The following ANAPC4 variants were observed in gnomAD, a reference collection of about 807,000 sequenced individuals.
ANAPC4 encodes the protein anaphase promoting complex subunit 4, also known as anaphase-promoting complex subunit 4.
ANAPC4 carries 63 observed loss-of-function variants against 119.8 expected under a neutral mutation model. That is an observed-to-expected ratio of 0.53 (90% confidence interval 0.43 to 0.65). The LOEUF (loss-of-function observed/expected upper bound fraction) is 0.65. Ranked by LOEUF, ANAPC4 falls within the 30% of genes least tolerant of loss-of-function variation. The pLI is 0.00. For synonymous variants in ANAPC4, 283 were observed against 318.6 expected, an observed-to-expected ratio of 0.89 and a Z score of 1.19; for missense variants, 716 against 945.1, an observed-to-expected ratio of 0.76 and a Z score of 3.18.
chr4:25,384,745 G>C (rs1721936802), intron 4 of ANAPC4, among the ~76,000 whole-genome samples: 1 of 151,636 alleles, frequency 6.6e-6, no homozygotes, highest in African/African-American at 2.4e-5. Flanking sequence ...TGAGGCCGCA[G>C]TGAGCCGTAA....
At chr4:25,398,308 T>A (rs1041945666) in intron 16 of ANAPC4, among the ~76,000 whole-genome samples, 1 of 152,156 alleles carries the variant, frequency 6.6e-6, no homozygotes, top group East Asian at 1.9e-4. Context: ...AACAAGGACC[T>A]AGGGCATGAT....
chr4:25,415,598 T>C, intron 26 of ANAPC4, 58 bp downstream of exon 26: 1 of 1,460,536 alleles, frequency 6.8e-7, no homozygotes, highest in South Asian at 1.2e-5. Flanking sequence ...TGTATATGTT[T>C]AGGAATAGGA....
rs759738029 is a variant in ANAPC4 at position 25,414,379 on chromosome 4, C to G, written c.1679C>G (p.Thr560Ser). 1.2e-6 allele frequency: 2 copies of G among 1,604,424 alleles called. No homozygotes were observed. Among genetic ancestry groups the G allele is most frequent in the South Asian group, 1.1e-5 (1 of 89,646 alleles). ...QAICIPLYRD[T>S]RSEDSTRRLF... ...ATCTGTATTCCATTGTATAGAGATA[C>G]CAGAAGGTAATTCTGTTTACCTATT... The change falls in exon 23 of 29, where the codon ACC becomes AGC. Residue 560 changes from threonine (T) to serine (S), a missense_variant. By Grantham distance (58) the Thr-to-Ser change is moderately conservative. Coordinates refer to ENST00000315368, the MANE Select transcript of ANAPC4 (RefSeq NM_013367.3).
At chr4:25,414,794 T>C in intron 25 of ANAPC4, 94 bp downstream of exon 25, 1 of 1,186,614 alleles carries the variant, frequency 8.4e-7, no homozygotes, top group East Asian at 2.8e-5. Context: ...GATTTTAAAC[T>C]ACTTTGTGAC....
In ANAPC4 at chr4:25,396,682, A is replaced by G. The variant is rs143385154; in HGVS notation, c.1080A>G (p.Leu360=). The change falls in exon 15 of 29, where the codon TTA becomes TTG. Residue 360 remains leucine (L), a synonymous_variant. Transcript: ENST00000315368. The stretch of plus-strand genomic sequence containing the variant: ...TGGATAGTGGCTCGGAGTCTTTATT[A>G]TACCATTTGAGTGAATTGAAAGGAA... The part of the protein sequence containing the change: ...SHLQSGSESL[L]YHLSELKGMA... The G allele has an allele frequency of 1.6e-4, 257 of 1,611,918 alleles. No individual in the cohort carries two copies. Among genetic ancestry groups the G allele is most frequent in the Non-Finnish European group, 2.0e-4 (238 of 1,179,212 alleles).
In ANAPC4 at chr4:25,402,696, T is replaced by C. The variant is rs147601687; in HGVS notation, c.1215-275T>C. 3.9e-5 allele frequency among the ~76,000 whole-genome samples: 6 copies of C among 152,352 alleles called. No homozygotes were observed. The East Asian group carries it at 9.6e-4, about 24-fold the overall frequency. Reference sequence around the variant, plus strand: ...AAGGAGTTCATGCTTTACTGAGTCATAAGAAAGACTATTACACAGTTTGTG... The same window carrying C: ...AAGGAGTTCATGCTTTACTGAGTCACAAGAAAGACTATTACACAGTTTGTG... On this transcript the variant is annotated intron_variant, in intron 16 of 28. Transcript: ENST00000315368.
In ANAPC4 at chr4:25,415,224, A is replaced by C. The variant is rs912357614; in HGVS notation, c.1827-242A>C. Reference sequence around the variant, plus strand: ...AATGGTTTTAAACCTGAATTTGAAGAAAATGTTGAGACCACGATGTAACCA... The same window carrying C: ...AATGGTTTTAAACCTGAATTTGAAGCAAATGTTGAGACCACGATGTAACCA... On this transcript the variant is annotated intron_variant, in intron 25 of 28. Transcript: ENST00000315368. The C allele has an allele frequency of 1.6e-5, 6 of 373,348 alleles. No homozygotes were observed. The East Asian group carries it at 2.5e-4, about 15-fold the overall frequency. The allele number at this position is 373,348 out of a possible 1,614,324, so 23.1% of individuals were successfully genotyped here. A position where few individuals can be genotyped will look rare whatever the true frequency, so the allele number is the denominator to read the frequency against.
Position 25,414,690 on chromosome 4 carries a change from G to C in ANAPC4, c.1816G>C (p.Asp606His), listed in dbSNP as rs1296491893. The stretch of plus-strand genomic sequence containing the variant: ...AATGTGCATCTTAAGGAGACATACT[G>C]ATATTTCTCAGTAAGTATTAATCTG... ...YKMCILRRHT[D>H]ISQSVSNGLI... The change falls in exon 25 of 29, where the codon GAT becomes CAT. Residue 606 changes from aspartate (D) to histidine (H), a missense_variant. Coordinates refer to ENST00000315368, the MANE Select transcript of ANAPC4 (RefSeq NM_013367.3). 5.3e-6 allele frequency: 8 copies of C among 1,520,132 alleles called. No homozygotes were observed. Among genetic ancestry groups the C allele is most frequent in the Non-Finnish European group, 7.1e-6 (8 of 1,125,216 alleles). The allele number at this position is 1,520,132 out of a possible 1,614,324, so 94.2% of individuals were successfully genotyped here. A position where few individuals can be genotyped will look rare whatever the true frequency, so the allele number is the denominator to read the frequency against.
chr4:25,389,987 T>C, intron 7 of ANAPC4, 149 bp from the exon 8 acceptor site: 1 of 513,514 alleles, frequency 1.9e-6, no homozygotes, highest in East Asian at 3.2e-5. Flanking sequence ...GAATATTGAG[T>C]GTTAGTGGAT....
chr4:25,405,595 C>T lies in ANAPC4; in HGVS notation c.1293C>T (p.Asp431=). The T allele has an allele frequency of 1.2e-6, 2 of 1,613,578 alleles. No homozygotes were observed. Among genetic ancestry groups the T allele is most frequent in the Non-Finnish European group, 1.7e-6 (2 of 1,179,682 alleles). Residue 431 remains aspartate (D), a synonymous_variant, in exon 18 of 29, where the codon GAC becomes GAT. Coordinates refer to ENST00000315368, the MANE Select transcript of ANAPC4 (RefSeq NM_013367.3). The surrounding 1 kb of genome is among the most constrained non-coding windows in gnomAD (Gnocchi z 4.6). ...CAGCAATGTTGAGAATGACAGAAGA[C>T]CATGTGCTTCCCGAGCTGAATAAGG... ...LYVAMLRMTE[D]HVLPELNKMT...
Position 25,414,698 on chromosome 4 carries a change from T to C in ANAPC4, c.1824T>C (p.Ser608=). The C allele has an allele frequency of 6.6e-7, 1 of 1,515,918 alleles. No individual in the cohort carries two copies. Among genetic ancestry groups the C allele is most frequent in the South Asian group, 1.3e-5 (1 of 79,526 alleles). 93.9% of individuals were successfully genotyped at this position (1,515,918 alleles called of 1,614,324 possible). ...TCTTAAGGAGACATACTGATATTTCTCAGTAAGTATTAATCTGAAGTTTGA... is the reference window on the plus strand; with the variant it reads ...TCTTAAGGAGACATACTGATATTTCCCAGTAAGTATTAATCTGAAGTTTGA... ...MCILRRHTDI[S]QSVSNGLIAI... The change falls in exon 25 of 29, where the codon TCT becomes TCC. Residue 608 remains serine, a splice_region_variant and synonymous_variant. Transcript: ENST00000315368.
In ANAPC4 at chr4:25,417,770, G is replaced by A. The variant is rs1341183003; in HGVS notation, c.2199+31G>A. 4.4e-6 allele frequency: 7 copies of A among 1,583,106 alleles called. No homozygotes were observed. In the East Asian group the frequency reaches 1.6e-4, roughly 35 times the overall value. On this transcript the variant is annotated intron_variant, in intron 28 of 28. Coordinates refer to ENST00000315368, the MANE Select transcript of ANAPC4 (RefSeq NM_013367.3). The stretch of plus-strand genomic sequence containing the variant: ...TGTTTAGAGATCGTTCAGCAACTAA[G>A]AAATTACAAGAAGTAACGTTGCTTC...
chr4:25,391,917 T>C (rs1722366806), intron 9 of ANAPC4, among the ~76,000 whole-genome samples: 1 of 152,256 alleles, frequency 6.6e-6, no homozygotes, highest in Non-Finnish European at 1.5e-5. Context: ...AATGATTCAC[T>C]ACTACTGTGA....
At chr4:25,392,475 C>T in intron 10 of ANAPC4, 54 bp downstream of exon 10, 1 of 1,460,592 alleles carries the variant, frequency 6.8e-7, no homozygotes, top group African/African-American at 1.4e-5. Flanking sequence ...TTCTAAAGTT[C>T]TGTAAATAAA....
At chr4:25,392,469 A>G (rs375380358) in intron 10 of ANAPC4, 48 bp downstream of exon 10, 39 of 1,472,636 alleles carry the variant, frequency 2.6e-5, no homozygotes, top group Non-Finnish European at 3.7e-5. Context: ...ATCGGCTTCT[A>G]AAGTTCTGTA....
At position 25,377,575 on chromosome 4, in the gene ANAPC4, G is replaced by A. The variant is rs748595415; in HGVS notation, c.129+19G>A. ...TGGCGAGGTGAGTGAGCCGGCGGGA[G>A]CCCGCCTGTGCTGGGTCTGCTCCCG... On this transcript the variant is annotated intron_variant, in intron 2 of 28. Coordinates refer to ENST00000315368, the MANE Select transcript of ANAPC4 (RefSeq NM_013367.3). The A allele has an allele frequency of 6.3e-6, 10 of 1,591,560 alleles. No homozygotes were observed. The highest frequency in any genetic ancestry group is 7.7e-6 in the Non-Finnish European group (9 of 1,172,230).
chr4:25,413,801 C>T (rs567879506), intron 22 of ANAPC4, 59 bp downstream of exon 22: 7 of 1,257,420 alleles, frequency 5.6e-6, no homozygotes, highest in Non-Finnish European at 6.8e-6. Context: ...CAGTATGTGG[C>T]TCACTTATGT....
At chr4:25,416,026 G>A (rs145944550) in intron 26 of ANAPC4, 515 of 166,064 alleles carry the variant, frequency 3.1e-3, no homozygotes, top group Middle Eastern at 8.4e-3. Context: ...TTATGATAAA[G>A]TCCTTGGAGT....
At chr4:25,413,488 T>G in intron 21 of ANAPC4, 157 bp from the exon 22 acceptor site, 95 of 518,938 alleles carry the variant, frequency 1.8e-4, no homozygotes, top group East Asian at 3.9e-4. Flanking sequence ...CCATGGTCGT[T>G]TTTAATGAGG....
Sources: gnomAD v4.1 joint callset for allele counts (sites outside exome capture counted in the v4.1 genomes callset) on GRCh38, gnomAD v4.1.1 for gene constraint, Gnocchi (gnomAD v3.1) non-coding constraint, MANE v1.5 for transcripts, NCBI Gene and HGNC (gene_info 2026-07-23, HGNC 2026-07-21) for gene names.